Variants in SIK2 observed in about 807,000 individuals in gnomAD.
SIK2 encodes the protein serine/threonine-protein kinase SIK2.
Under a neutral mutation model 103.2 loss-of-function variants are expected in SIK2, and 29 were observed. The observed-to-expected ratio is 0.28, with a 90% CI of 0.21 to 0.38. The LOEUF (loss-of-function observed/expected upper bound fraction) is 0.38. SIK2 is among the 10% of genes least tolerant of loss of function. SIK2 has a pLI of 1.00. For synonymous variants in SIK2, 412 were observed against 446.1 expected, an observed-to-expected ratio of 0.92 and a Z score of 0.96; for missense variants, 879 against 1,171.0, an observed-to-expected ratio of 0.75 and a Z score of 3.64.
chr11:111,680,413 T>C (rs1677211120), intron 3 of SIK2, among the ~76,000 whole-genome samples: 1 of 152,182 alleles, frequency 6.6e-6, no homozygotes, highest in African/African-American at 2.4e-5. Flanking sequence ...ATTGAGTTTT[T>C]TTTTAAAAAA....
intron 4 of SIK2, among the ~76,000 whole-genome samples, chr11:111,700,255 G>A (rs1943182481): frequency 6.6e-6 from 1 of 152,280 alleles, no homozygotes; most frequent in South Asian, 2.1e-4. Flanking sequence ...ATGCCACTGC[G>A]ATCCATAAAT....
Position 111,722,631 on chromosome 11 carries a change from T to C in SIK2, c.2056-34T>C. ...TGACTGCATCCTAGGTGACAGCACA[T>C]TGTCACGCTCATGTTGTTTTTCTGC... On this transcript the variant is annotated intron_variant, in intron 13 of 14. Transcript: ENST00000304987. The surrounding 1 kb of genome is among the most constrained non-coding windows in gnomAD (Gnocchi z 4.4). 1.3e-6 allele frequency: 2 copies of C among 1,592,084 alleles called. No individual in the cohort carries two copies. Among genetic ancestry groups the C allele is most frequent in the Non-Finnish European group, 1.7e-6 (2 of 1,162,788 alleles).
intron 3 of SIK2, 67 bp from the exon 4 acceptor site, chr11:111,687,934 T>C: frequency 6.4e-7 from 1 of 1,559,672 alleles, no homozygotes; most frequent in Non-Finnish European, 8.7e-7. Context: ...GAAAAAAATT[T>C]CCTGACTACT....
At chr11:111,678,664 C>G (rs1481685516) in intron 3 of SIK2, among the ~76,000 whole-genome samples, 2 of 152,136 alleles carry the variant, frequency 1.3e-5, no homozygotes, top group African/African-American at 4.8e-5. Context: ...TTGATTTGCC[C>G]TATTAAATAT....
intron 6 of SIK2, among the ~76,000 whole-genome samples, 160 bp from the exon 7 acceptor site, chr11:111,703,043 A>G (rs568253750): frequency 6.6e-6 from 1 of 152,338 alleles, no homozygotes; most frequent in South Asian, 2.1e-4. Flanking sequence ...AACTTGAGAA[A>G]TATAAGTAGC....
intron 1 of SIK2, among the ~76,000 whole-genome samples, chr11:111,606,076 T>C (rs1170316031): frequency 1.3e-5 from 2 of 152,210 alleles, no homozygotes; most frequent in African/African-American, 4.8e-5. Flanking sequence ...TGGTTGCTTG[T>C]TTGCTATTCA....
chr11:111,683,851 G>A (rs1418398425), intron 3 of SIK2, among the ~76,000 whole-genome samples: 1 of 152,204 alleles, frequency 6.6e-6, no homozygotes, highest in African/African-American at 2.4e-5. Flanking sequence ...CCTTGAAGGG[G>A]TTGATGTATG....
chr11:111,653,258 G>T (rs535850077), intron 3 of SIK2, among the ~76,000 whole-genome samples: 1 of 152,336 alleles, frequency 6.6e-6, no homozygotes, highest in African/African-American at 2.4e-5. Context: ...AGACAGTTTA[G>T]TTGGAGATTC....
At chr11:111,702,487 G>T (rs1043409839) in intron 6 of SIK2, among the ~76,000 whole-genome samples, 2 of 152,174 alleles carry the variant, frequency 1.3e-5, no homozygotes, top group Non-Finnish European at 2.9e-5. Context: ...TACTCAGGAA[G>T]CTGAGGCAGA....
intron 4 of SIK2, among the ~76,000 whole-genome samples, chr11:111,697,116 G>A (rs918339270): frequency 5.3e-5 from 8 of 152,216 alleles, no homozygotes; most frequent in African/African-American, 1.9e-4. Context: ...GCTCGAAGTA[G>A]TTAAACTTGG....
chr11:111,630,179 A>G (rs1942018517), intron 3 of SIK2, among the ~76,000 whole-genome samples: 1 of 152,188 alleles, frequency 6.6e-6, no homozygotes, highest in African/African-American at 2.4e-5. Flanking sequence ...CAACATGCAT[A>G]CATCTTACAG....
At position 111,602,815 on chromosome 11, in the gene SIK2, C is replaced by T. The variant is rs2135824959; in HGVS notation, c.135+117C>T. On this transcript the variant is annotated intron_variant, in intron 1 of 14. Transcript: ENST00000304987. This position sits in a 1 kb window ranked among gnomAD's most constrained non-coding sequence, Gnocchi z 4.5. ...GAGACCCGAGAGGCCGCCTCACTGG[C>T]GGAGGCGAGCGGGCCTGGGACTGTG... The T allele has an allele frequency of 1.5e-6, 2 of 1,353,396 alleles. No homozygotes were observed. The highest frequency in any genetic ancestry group is 3.1e-5 in the East Asian group (1 of 32,710). The allele number at this position is 1,353,396 out of a possible 1,614,324, so 83.8% of individuals were successfully genotyped here. A position where few individuals can be genotyped will look rare whatever the true frequency, so the allele number is the denominator to read the frequency against.
intron 8 of SIK2, among the ~76,000 whole-genome samples, chr11:111,710,461 T>C (rs1207129445): frequency 6.6e-6 from 1 of 152,226 alleles, no homozygotes; most frequent in East Asian, 1.9e-4. Context: ...ATGTTGAAAA[T>C]ATATTCAGAG....
intron 1 of SIK2, among the ~76,000 whole-genome samples, chr11:111,612,088 C>A (rs1941735280): frequency 1.3e-5 from 2 of 152,106 alleles, no homozygotes; most frequent in South Asian, 4.2e-4. Flanking sequence ...TAATTCCTGG[C>A]ACACAACAGA....
intron 3 of SIK2, among the ~76,000 whole-genome samples, chr11:111,661,603 G>A (rs1402412752): frequency 6.6e-6 from 1 of 152,180 alleles, no homozygotes; most frequent in African/African-American, 2.4e-5. Context: ...GACTGAGACT[G>A]TGTATTAGTT....
At chr11:111,655,174 C>T (rs986088021) in intron 3 of SIK2, among the ~76,000 whole-genome samples, 4 of 152,176 alleles carry the variant, frequency 2.6e-5, no homozygotes, top group Admixed American at 2.0e-4. Flanking sequence ...GGCCAAGGCA[C>T]GCAGATCACT....
At position 111,701,418 on chromosome 11, in the gene SIK2, G is replaced by A; in HGVS notation, c.604-34G>A. Reference sequence around the variant, plus strand: ...AAAACAAAGAGTGTTTGACGTTCTTGGTAGAAAAGTCTCTGCATTGTTTTC... The same window carrying A: ...AAAACAAAGAGTGTTTGACGTTCTTAGTAGAAAAGTCTCTGCATTGTTTTC... On this transcript the variant is annotated intron_variant, in intron 5 of 14. Transcript: ENST00000304987. This position sits in a 1 kb window ranked among gnomAD's most constrained non-coding sequence, Gnocchi z 4.2. 1 of 1,598,936 alleles carries A rather than the reference G, an allele frequency of 6.3e-7. No homozygotes were observed. Among genetic ancestry groups the A allele is most frequent in the Non-Finnish European group, 8.5e-7 (1 of 1,169,820 alleles).
In SIK2 at chr11:111,724,358, G is replaced by A. The variant is rs1048808138; in HGVS notation, c.*229G>A. The A allele has an allele frequency of 3.4e-6, 2 of 588,476 alleles. No homozygotes were observed. The highest frequency in any genetic ancestry group is 2.9e-6 in the Non-Finnish European group (1 of 342,880). 36.5% of individuals were successfully genotyped at this position (588,476 alleles called of 1,614,324 possible). On this transcript the variant is annotated 3_prime_UTR_variant, in exon 15 of 15. Coordinates refer to ENST00000304987, the MANE Select transcript of SIK2 (RefSeq NM_015191.3). Reference sequence around the variant, plus strand: ...GTGCTGGAACATAGTTGTAGGCTGAGGCTCCTGCCCTTCGGTCGAGTGGAG... The same window carrying A: ...GTGCTGGAACATAGTTGTAGGCTGAAGCTCCTGCCCTTCGGTCGAGTGGAG...
intron 9 of SIK2, among the ~76,000 whole-genome samples, chr11:111,718,080 GA>G (rs969248324): frequency 4.7e-5 from 7 of 150,426 alleles, no homozygotes; most frequent in East Asian, 1.9e-4. Flanking sequence ...AAAAATTGAA[GA>G]AAAAAAAAGA....
Sources: gnomAD v4.1 joint callset for allele counts (sites outside exome capture counted in the v4.1 genomes callset) on GRCh38, gnomAD v4.1.1 for gene constraint, Gnocchi (gnomAD v3.1) non-coding constraint, MANE v1.5 for transcripts, NCBI Gene and HGNC (gene_info 2026-07-23, HGNC 2026-07-21) for gene names.